Variants in NLGN1 observed in about 807,000 individuals in gnomAD.
NLGN1 encodes neuroligin 1.
NLGN1 carries 12 observed loss-of-function variants against 65.5 expected under a neutral mutation model. The ratio of observed to expected loss-of-function variants is 0.18; its 90% CI spans 0.12 to 0.30. The LOEUF is 0.30. Among genes scored for constraint, NLGN1 ranks in the 10% least tolerant of loss-of-function variants. The pLI, the probability that NLGN1 is intolerant of heterozygous loss-of-function variation, is 1.00. For missense variants in NLGN1, 750 were observed against 1,007.1 expected (o/e 0.74, Z 3.46); for synonymous variants, 350 against 359.5 (o/e 0.97, Z 0.30).
chr3:173,513,300 G>A lies in NLGN1; in HGVS notation c.-321+78222G>A, dbSNP rs552917369. 5.3e-5 allele frequency among the ~76,000 whole-genome samples: 8 copies of A among 152,140 alleles called. No homozygotes were observed. The East Asian group carries it at 7.7e-4, about 15-fold the overall frequency. Reference sequence around the variant, plus strand: ...GTAAAACTCACAAAAGAACGGGTATGCCCCTATGACTAATCCTTTCTAGAC... The same window carrying A: ...GTAAAACTCACAAAAGAACGGGTATACCCCTATGACTAATCCTTTCTAGAC... On this transcript the variant is annotated intron_variant, in intron 2 of 6. Coordinates refer to ENST00000457714, the Ensembl canonical transcript of NLGN1.
chr3:173,713,151 A>G (rs1447927049), intron 3 of NLGN1, among the ~76,000 whole-genome samples: 1 of 152,184 alleles, frequency 6.6e-6, no homozygotes, highest in African/African-American at 2.4e-5. Context: ...CTCAGATGGA[A>G]GCTGAAATTG....
intron 4 of NLGN1, among the ~76,000 whole-genome samples, chr3:173,923,799 T>G (rs139434201): frequency 2.6e-5 from 4 of 152,280 alleles, no homozygotes; most frequent in African/African-American, 7.2e-5. Flanking sequence ...TTCTTTCTTT[T>G]CAACAAAATT....
chr3:174,079,853 T>C (rs1182526301), intron 4 of NLGN1, among the ~76,000 whole-genome samples: 2 of 151,818 alleles, frequency 1.3e-5, no homozygotes, highest in Non-Finnish European at 2.9e-5. Flanking sequence ...CATGGACTCA[T>C]AGAGGGGACC....
chr3:173,981,371 AAC>A (rs1266593387), intron 4 of NLGN1, among the ~76,000 whole-genome samples: 1 of 152,200 alleles, frequency 6.6e-6, no homozygotes, highest in Non-Finnish European at 1.5e-5. Flanking sequence ...GCAGACATAA[AAC>A]ACAGAATGGT....
intron 2 of NLGN1, among the ~76,000 whole-genome samples, chr3:173,517,619 T>C (rs1186804018): frequency 6.6e-6 from 1 of 152,150 alleles, no homozygotes; most frequent in Non-Finnish European, 1.5e-5. Flanking sequence ...TTCCTGTGAT[T>C]AGTTTTCTTT....
intron 4 of NLGN1, among the ~76,000 whole-genome samples, chr3:173,952,752 GTTTT>G (rs938746640): frequency 2.0e-5 from 3 of 147,812 alleles, no homozygotes; most frequent in Admixed American, 1.3e-4. Context: ...CTTACTACTA[GTTTT>G]TTTAAGTGGT....
At chr3:174,208,844 G>A (rs1577364276) in intron 4 of NLGN1, among the ~76,000 whole-genome samples, 1 of 152,170 alleles carries the variant, frequency 6.6e-6, no homozygotes, top group African/African-American at 2.4e-5. Flanking sequence ...ATTATATGAT[G>A]CAGGGAGCAA....
At chr3:174,188,547 A>T (rs923774371) in intron 4 of NLGN1, among the ~76,000 whole-genome samples, 4 of 152,010 alleles carry the variant, frequency 2.6e-5, no homozygotes, top group Admixed American at 6.6e-5. Context: ...TCTTAGAAAG[A>T]ATGTCAAAGA....
chr3:173,639,404 G>A (rs2149580179), intron 3 of NLGN1, among the ~76,000 whole-genome samples: 1 of 152,284 alleles, frequency 6.6e-6, no homozygotes, highest in South Asian at 2.1e-4. Context: ...TGACCGCTGG[G>A]AGAACTGGGC....
chr3:174,088,754 AT>A (rs1743925951), intron 4 of NLGN1, among the ~76,000 whole-genome samples: 2 of 136,370 alleles, frequency 1.5e-5, no homozygotes, highest in Non-Finnish European at 3.1e-5. Context: ...CTCCATCTCA[AT>A]AAAAATAAAT....
At chr3:173,612,588 C>T (rs149503458) in intron 3 of NLGN1, among the ~76,000 whole-genome samples, 1 of 152,164 alleles carries the variant, frequency 6.6e-6, no homozygotes, top group East Asian at 1.9e-4. Context: ...CCTACATCCC[C>T]ATGTCTTCAT....
At chr3:173,591,588 C>T (rs1462374473) in intron 2 of NLGN1, among the ~76,000 whole-genome samples, 1 of 152,184 alleles carries the variant, frequency 6.6e-6, no homozygotes, top group Non-Finnish European at 1.5e-5. Context: ...GCTGATCATC[C>T]TCCAAGGGGT....
intron 4 of NLGN1, among the ~76,000 whole-genome samples, chr3:174,263,667 C>G (rs1331865396): frequency 6.6e-6 from 1 of 151,816 alleles, no homozygotes; most frequent in Non-Finnish European, 1.5e-5. Context: ...TTAATTGGAG[C>G]ATTTAGCCCA....
chr3:173,423,154 A>G (rs1308094831), intron 1 of NLGN1, among the ~76,000 whole-genome samples: 1 of 152,208 alleles, frequency 6.6e-6, no homozygotes, highest in Non-Finnish European at 1.5e-5. Flanking sequence ...GAACTCTCTC[A>G]CTATCACAAG....
intron 4 of NLGN1, among the ~76,000 whole-genome samples, chr3:174,273,396 G>GTC (rs1193183430): frequency 6.6e-6 from 1 of 151,570 alleles, no homozygotes; most frequent in East Asian, 1.9e-4. Context: ...CATGCCAATA[G>GTC]TCTGTCTTTA....
chr3:174,050,530 A>G (rs544232925), intron 4 of NLGN1, among the ~76,000 whole-genome samples: 1 of 112,040 alleles, frequency 8.9e-6, no homozygotes, highest in African/African-American at 4.1e-5. Context: ...CTGAAAAAAT[A>G]ATAATTAAAA....
chr3:173,721,427 A>G (rs992617700), intron 3 of NLGN1, among the ~76,000 whole-genome samples: 1 of 152,356 alleles, frequency 6.6e-6, no homozygotes, highest in East Asian at 1.9e-4. Flanking sequence ...TAAACGCTAT[A>G]GATTTTGTTG....
chr3:173,919,975 G>T (rs1054514942), intron 4 of NLGN1, among the ~76,000 whole-genome samples: 1 of 151,838 alleles, frequency 6.6e-6, no homozygotes, highest in South Asian at 2.1e-4. Context: ...GAGAATGCTG[G>T]GATGCTATTT....
chr3:174,188,206 C>T (rs1334684037), intron 4 of NLGN1, among the ~76,000 whole-genome samples: 2 of 151,918 alleles, frequency 1.3e-5, no homozygotes, highest in Non-Finnish European at 2.9e-5. Flanking sequence ...ACACTTTATA[C>T]CCTTCTAAAA....
Sources: gnomAD v4.1 joint callset for allele counts (sites outside exome capture counted in the v4.1 genomes callset) on GRCh38, gnomAD v4.1.1 for gene constraint, MANE v1.5 for transcripts, NCBI Gene and HGNC (gene_info 2026-07-23, HGNC 2026-07-21) for gene names.